NSD2: variants seen among roughly 807,000 people sequenced by gnomAD.
NSD2 encodes histone-lysine N-methyltransferase NSD2.
In NSD2, 12 loss-of-function variants were observed where a neutral mutation model predicts 139.0. The observed-to-expected ratio is 0.09, with a 90% CI of 0.06 to 0.14. The LOEUF (loss-of-function observed/expected upper bound fraction) is 0.14. NSD2 is among the 10% of genes least tolerant of loss of function. The pLI, the probability that NSD2 is intolerant of heterozygous loss-of-function variation, is 1.00. For synonymous variants in NSD2, 669 were observed against 648.7 expected (o/e 1.03, Z -0.48); for missense variants, 1,155 against 1,745.0 (o/e 0.66, Z 6.02).
At chr4:1,929,543 T>C (rs780227146) in intron 5 of NSD2, among the ~76,000 whole-genome samples, 16 of 152,186 alleles carry the variant, frequency 1.1e-4, no homozygotes, top group Non-Finnish European at 1.6e-4. Flanking sequence ...CAGTGAGGGC[T>C]CTGTTCTGAC....
At chr4:1,892,934 G>A (rs1197540323) in intron 1 of NSD2, 1 of 152,072 alleles carries the variant, frequency 6.6e-6, no homozygotes, top group East Asian at 1.9e-4. Context: ...TTTCACCTGA[G>A]TGCTCAAATA....
Position 1,925,160 on chromosome 4 carries a change from C to T in NSD2, c.1411-5466C>T, listed in dbSNP as rs550506195. 5.3e-5 allele frequency among the ~76,000 whole-genome samples: 8 copies of T among 152,266 alleles called. No individual in the cohort carries two copies. The South Asian group carries it at 1.7e-3, about 32-fold the overall frequency. ...AGCTCCTCCCTGCTTCCATCTGTAA[C>T]CTAGGTCTTTCTACATTGTTTTTTA... On this transcript the variant is annotated intron_variant, in intron 5 of 21. Coordinates refer to ENST00000508803, the MANE Select transcript of NSD2 (RefSeq NM_001042424.3).
At chr4:1,949,545 G>C (rs534904878) in intron 9 of NSD2, among the ~76,000 whole-genome samples, 1 of 152,102 alleles carries the variant, frequency 6.6e-6, no homozygotes, top group African/African-American at 2.4e-5. Flanking sequence ...GGTGGATCAC[G>C]AGGTCAGGAG....
In NSD2 at chr4:1,922,432, G is replaced by T. The variant is rs376738534; in HGVS notation, c.1410+3809G>T. 1.6e-4 allele frequency among the ~76,000 whole-genome samples: 25 copies of T among 152,282 alleles called. No individual in the cohort carries two copies. In the East Asian group the frequency reaches 3.5e-3, roughly 21 times the overall value. ...TGATATTTTAGCAGACCTCAATAAA[G>T]ATGTATTTATATATAGGAAGATTCA... On this transcript the variant is annotated intron_variant, in intron 5 of 21. Transcript: ENST00000508803.
Position 1,953,304 on chromosome 4 carries a change from CTTCT to C in NSD2, c.2138-17_2138-14del. 6.2e-7 allele frequency: 1 copy of C among 1,614,242 alleles called. No homozygotes were observed. The highest frequency in any genetic ancestry group is 8.5e-7 in the Non-Finnish European group (1 of 1,180,048). On this transcript the variant is annotated splice_polypyrimidine_tract_variant and intron_variant, in intron 11 of 21. Transcript: ENST00000508803. ...GTTCTTTGCACCTCTCTCTCCACCC[CTTCT>C]TTAACTTTTTGTTAGGGATTCACTC...
Position 1,956,519 on chromosome 4 carries a change from G to A in NSD2, c.2881+331G>A, listed in dbSNP as rs1054512181. Among the ~76,000 whole-genome samples, 4 of 152,050 alleles carry A rather than the reference G, an allele frequency of 2.6e-5. No homozygotes were observed. The highest frequency in any genetic ancestry group is 5.9e-5 in the Non-Finnish European group (4 of 68,022). On this transcript the variant is annotated intron_variant, in intron 15 of 21. Transcript: ENST00000508803. This position sits in a 1 kb window ranked among gnomAD's most constrained non-coding sequence, Gnocchi z 5.3. The stretch of plus-strand genomic sequence containing the variant: ...TCTGAAGGAAGGGTCCTGTTGTCTC[G>A]ACCTTGTGCAGCAGGCTCTTGGGGG...
intron 7 of NSD2, among the ~76,000 whole-genome samples, chr4:1,937,783 G>A (rs908939016): frequency 2.6e-5 from 4 of 152,180 alleles, no homozygotes; most frequent in Non-Finnish European, 5.9e-5. Flanking sequence ...CCTGGGCAGC[G>A]CTGCTCTAGT....
rs1310266241 is a variant in NSD2, at chr4:1,951,443, T to TCCACACACACACACACACACACACAC, written c.2013+240_2013+241insCCACACACACACACACACACACACAC. Among the ~76,000 whole-genome samples, 2 of 101,030 alleles carry TCCACACACACACACACACACACACAC rather than the reference T, an allele frequency of 2.0e-5. 1 individual carries two copies. Among genetic ancestry groups the TCCACACACACACACACACACACACAC allele is most frequent in the African/African-American group, 8.0e-5 (2 of 25,130 alleles). The allele number at this position is 101,030 out of a possible 152,430, so 66.3% of individuals were successfully genotyped here. A position where few individuals can be genotyped will look rare whatever the true frequency, so the allele number is the denominator to read the frequency against. Reference sequence around the variant, plus strand: ...TGAGATTTGTATACACATCATGTAATACACACACACACACACACACACACA... The same window carrying TCCACACACACACACACACACACACAC: ...TGAGATTTGTATACACATCATGTAATCCACACACACACACACACACACACACACACACACACACACACACACACACA... On this transcript the variant is annotated intron_variant, in intron 10 of 21. Coordinates refer to ENST00000508803, the MANE Select transcript of NSD2 (RefSeq NM_001042424.3).
At chr4:1,946,567 C>G in intron 9 of NSD2, 1 of 1,018,626 alleles carries the variant, frequency 9.8e-7, no homozygotes. Context: ...CTGCACCTGG[C>G]GGGGTCTTGC....
chr4:1,979,555 TCTC>T lies in NSD2; in HGVS notation c.*650_*652del, dbSNP rs1320522955. On this transcript the variant is annotated 3_prime_UTR_variant, in exon 22 of 22. Coordinates refer to ENST00000508803, the MANE Select transcript of NSD2 (RefSeq NM_001042424.3). ...TGTAAGATTTCCTCCCGTAGTTTTT[TCTC>T]CTCATGGATTTGAATGAAATGCCAA... The T allele has an allele frequency of 3.9e-5, 9 of 232,948 alleles. No homozygotes were observed. Among genetic ancestry groups the T allele is most frequent in the African/African-American group, 1.8e-4 (8 of 45,326 alleles). The allele number at this position is 232,948 out of a possible 1,614,324, so 14.4% of individuals were successfully genotyped here. A position where few individuals can be genotyped will look rare whatever the true frequency, so the allele number is the denominator to read the frequency against.
chr4:1,894,104 G>A (rs1715910467), intron 1 of NSD2, among the ~76,000 whole-genome samples: 1 of 152,080 alleles, frequency 6.6e-6, no homozygotes, highest in Non-Finnish European at 1.5e-5. Context: ...CTGTAGGTGT[G>A]TGTCACTGTA....
Position 1,976,483 on chromosome 4 carries a change from G to A in NSD2, c.3630G>A (p.Thr1210=). The change falls in exon 21 of 22, where the codon ACG becomes ACA. Residue 1210 remains threonine (T), a synonymous_variant. Transcript: ENST00000508803. This position sits in a 1 kb window ranked among gnomAD's most constrained non-coding sequence, Gnocchi z 5.3. ...TTAATTCTTGACTCTAGACCTCGACGACCCTTTCATCAGAGGAAAAGGGCA... is the reference window on the plus strand; with the variant it reads ...TTAATTCTTGACTCTAGACCTCGACAACCCTTTCATCAGAGGAAAAGGGCA... ...GFLGDRPKTS[T]TLSSEEKGKK... is the part of the protein sequence containing the mutation. The A allele has an allele frequency of 1.9e-6, 3 of 1,613,338 alleles. No individual in the cohort carries two copies. The highest frequency in any genetic ancestry group is 1.3e-5 in the African/African-American group (1 of 75,016).
intron 9 of NSD2, 84 bp downstream of exon 9, chr4:1,939,862 A>G: frequency 6.2e-7 from 1 of 1,605,106 alleles, no homozygotes; most frequent in South Asian, 1.1e-5. Flanking sequence ...TAATGCTCAG[A>G]CTTCATAAGC....
At chr4:1,906,541 C>T (rs1332912048) in intron 3 of NSD2, among the ~76,000 whole-genome samples, 2 of 151,806 alleles carry the variant, frequency 1.3e-5, no homozygotes, top group Non-Finnish European at 2.9e-5. Context: ...TGCCGCAGCC[C>T]AACTTATATA....
chr4:1,889,486 C>T (rs934900471), intron 1 of NSD2, among the ~76,000 whole-genome samples: 21 of 151,854 alleles, frequency 1.4e-4, no homozygotes, highest in African/African-American at 5.1e-4. Flanking sequence ...TGAGGCACCA[C>T]GCCCGGCCAA....
At chr4:1,920,767 C>G (rs752231243) in intron 5 of NSD2, among the ~76,000 whole-genome samples, 1 of 151,392 alleles carries the variant, frequency 6.6e-6, no homozygotes, top group Non-Finnish European at 1.5e-5. Flanking sequence ...AGTGTGGCAG[C>G]TCACACCTGT....
intron 9 of NSD2, chr4:1,943,758 GA>G: frequency 8.5e-6 from 9 of 1,059,336 alleles, no homozygotes; most frequent in East Asian, 5.1e-5. Context: ...TAAAGATGGG[GA>G]AAAAAAGATG....
In NSD2 at chr4:1,930,749, G is replaced by C. The variant is rs777777950; in HGVS notation, c.1534G>C (p.Val512Leu). The C allele has an allele frequency of 1.2e-6, 2 of 1,613,504 alleles. No individual in the cohort carries two copies. Among genetic ancestry groups the C allele is most frequent in the Admixed American group, 1.7e-5 (1 of 59,924 alleles). ...CACCAAGTTTGCCCTGGTGGCCCCT[G>C]TCCAGGCTGAAGAAGACTCTGGTAA... The part of the protein sequence containing the change: ...YNTKFALVAP[V>L]QAEEDSGNVN... Residue 512 changes from valine to leucine, a missense_variant, in exon 6 of 22, where the codon GTC (valine) becomes CTC (leucine). By Grantham distance (32) the Val-to-Leu change is conservative (BLOSUM62 1). This residue lies in a region of NSD2 where 420 missense variants were observed against 469.0 expected (regional missense o/e 0.90). Transcript: ENST00000508803.
intron 1 of NSD2, among the ~76,000 whole-genome samples, chr4:1,878,720 T>A (rs1173293908): frequency 2.0e-5 from 3 of 152,120 alleles, no homozygotes; most frequent in Admixed American, 6.6e-5. Flanking sequence ...GCATTTTGCC[T>A]TGATGTGGAG....
Sources: allele counts gnomAD v4.1 joint callset (sites outside exome capture counted in the v4.1 genomes callset), GRCh38; gene constraint gnomAD v4.1.1; regional missense constraint gnomAD v4.1.1; non-coding constraint Gnocchi (gnomAD v3.1); transcripts MANE v1.5; gene names NCBI Gene and HGNC (gene_info 2026-07-23, HGNC 2026-07-21).